Variants in GOLGA1 observed in about 807,000 individuals in gnomAD.
GOLGA1 encodes the protein golgin A1, also known as golgin subfamily A member 1.
GOLGA1 carries 63 observed loss-of-function variants against 119.7 expected under a neutral mutation model. The observed-to-expected ratio is 0.53, with a 90% confidence interval of 0.43 to 0.65. The LOEUF (loss-of-function observed/expected upper bound fraction) is 0.65, where lower values mean the gene tolerates loss of function less well. Ranked by LOEUF, GOLGA1 falls within the 30% of genes least tolerant of loss-of-function variation. The pLI is 0.00. For synonymous variants in GOLGA1, 318 were observed against 333.4 expected, an observed-to-expected ratio of 0.95 and a Z score of 0.50; for missense variants, 798 against 912.8, an observed-to-expected ratio of 0.87 and a Z score of 1.62.
At chr9:124,930,971 G>A (rs1254136400) in intron 4 of GOLGA1, among the ~76,000 whole-genome samples, 3 of 152,182 alleles carry the variant, frequency 2.0e-5, no homozygotes, top group South Asian at 2.1e-4. Flanking sequence ...ATATCTGTTG[G>A]CCATTCCCTT....
chr9:124,906,422 C>T (rs1830233652), intron 12 of GOLGA1, among the ~76,000 whole-genome samples: 1 of 142,870 alleles, frequency 7.0e-6, no homozygotes, highest in Admixed American at 7.1e-5. Context: ...CAGAGTGAGA[C>T]TCTATCTCAA....
chr9:124,896,002 CAG>C (rs1398104131), intron 15 of GOLGA1, among the ~76,000 whole-genome samples: 1 of 152,242 alleles, frequency 6.6e-6, no homozygotes, highest in Non-Finnish European at 1.5e-5. Context: ...ACCTCTACAA[CAG>C]AGAACCATCC....
intron 15 of GOLGA1, among the ~76,000 whole-genome samples, chr9:124,895,663 T>C (rs1588065635): frequency 3.3e-5 from 4 of 122,384 alleles, no homozygotes; most frequent in African/African-American, 3.3e-5. Context: ...CAGAGAACCA[T>C]CCACAACAGA....
At chr9:124,925,117 C>T (rs1830649350) in intron 7 of GOLGA1, among the ~76,000 whole-genome samples, 1 of 151,828 alleles carries the variant, frequency 6.6e-6, no homozygotes, top group Non-Finnish European at 1.5e-5. Context: ...ACCTCTCCTT[C>T]AAAAGAACAA....
chr9:124,922,725 T>C (rs1443412049), intron 8 of GOLGA1, among the ~76,000 whole-genome samples: 3 of 151,772 alleles, frequency 2.0e-5, no homozygotes, highest in Non-Finnish European at 4.4e-5. Context: ...TGATCGCACC[T>C]GTGAGTAGCC....
chr9:124,903,371 A>G (rs1830149413), intron 12 of GOLGA1, among the ~76,000 whole-genome samples: 1 of 152,148 alleles, frequency 6.6e-6, no homozygotes, highest in Non-Finnish European at 1.5e-5. Context: ...CCAGCTACTC[A>G]GAAGGCTTAG....
chr9:124,929,368 T>C (rs550296480), intron 4 of GOLGA1, 78 bp from the exon 5 acceptor site: 188 of 865,292 alleles, frequency 2.2e-4, no homozygotes, highest in Non-Finnish European at 3.6e-4. Flanking sequence ...AAAAAATGAA[T>C]GGAAATGATG....
At chr9:124,924,697 C>T (rs1209496308) in intron 7 of GOLGA1, among the ~76,000 whole-genome samples, 1 of 143,938 alleles carries the variant, frequency 6.9e-6, no homozygotes. Flanking sequence ...CCTTCTGTTA[C>T]AGTTTCTAAC....
rs115571084 is a variant in GOLGA1, at chr9:124,930,181, T to C, written c.227-891A>G. On this transcript the variant is annotated intron_variant, in intron 4 of 22. Coordinates refer to ENST00000373555, the MANE Select transcript of GOLGA1 (RefSeq NM_002077.4). ...AAATGTCAGTGCTCTTCCCTGTCCC[T>C]TCTCTAACGTAAGTCAAGCTCAACT... Among the ~76,000 whole-genome samples the C allele has an allele frequency of 7.4e-3, 1,125 of 152,318 alleles. 14 individuals are homozygous for C. The highest frequency in any genetic ancestry group is 0.034 in the Middle Eastern group (10 of 294).
chr9:124,903,914 T>G (rs1055311109), intron 12 of GOLGA1, among the ~76,000 whole-genome samples: 1 of 151,848 alleles, frequency 6.6e-6, no homozygotes, highest in Non-Finnish European at 1.5e-5. Flanking sequence ...CCAGGCGTGG[T>G]GGAGCGTGCC....
chr9:124,895,419 A>G (rs1040271683), intron 15 of GOLGA1, among the ~76,000 whole-genome samples: 1 of 145,500 alleles, frequency 6.9e-6, no homozygotes, highest in African/African-American at 2.6e-5. Context: ...GAGACGCTCC[A>G]CAACAGAGAA....
chr9:124,892,981 G>A (rs1044773137), intron 15 of GOLGA1, among the ~76,000 whole-genome samples: 2 of 151,470 alleles, frequency 1.3e-5, no homozygotes, highest in African/African-American at 4.9e-5. Context: ...ACATATAAGA[G>A]TTTTCTATAT....
At chr9:124,886,985 A>T (rs1284464288) in intron 19 of GOLGA1, among the ~76,000 whole-genome samples, 1 of 152,188 alleles carries the variant, frequency 6.6e-6, no homozygotes, top group African/African-American at 2.4e-5. Flanking sequence ...GGCACTCTCC[A>T]GCCAGGTCTG....
intron 16 of GOLGA1, among the ~76,000 whole-genome samples, 160 bp from the exon 17 acceptor site, chr9:124,889,696 C>T (rs1477765481): frequency 2.0e-5 from 3 of 152,128 alleles, no homozygotes; most frequent in Admixed American, 6.5e-5. Context: ...TATGAACATG[C>T]ACAAATCTAT....
At chr9:124,925,439 AG>A (rs1242920764) in intron 7 of GOLGA1, among the ~76,000 whole-genome samples, 1 of 151,054 alleles carries the variant, frequency 6.6e-6, no homozygotes, top group African/African-American at 2.4e-5. Context: ...AACTGTTGCC[AG>A]GCACAGTGGC....
At chr9:124,912,307 C>A (rs887902466) in intron 10 of GOLGA1, among the ~76,000 whole-genome samples, 3 of 152,206 alleles carry the variant, frequency 2.0e-5, no homozygotes, top group African/African-American at 7.2e-5. Flanking sequence ...GTGGTAGAGG[C>A]AGCAGAACTA....
At chr9:124,882,639 A>G in intron 19 of GOLGA1, 70 bp from the exon 20 acceptor site, 1 of 1,258,054 alleles carries the variant, frequency 7.9e-7, no homozygotes, top group Non-Finnish European at 1.1e-6. Context: ...ACAGACCCGA[A>G]GATCCCACGG....
chr9:124,882,658 G>A (rs773324132), intron 19 of GOLGA1, 89 bp from the exon 20 acceptor site: 3 of 1,025,100 alleles, frequency 2.9e-6, no homozygotes, highest in Non-Finnish European at 3.0e-6. Flanking sequence ...GGGATCCCCT[G>A]TACACCTGTG....
chr9:124,889,218 C>G lies in GOLGA1; in HGVS notation c.1686G>C (p.Val562=). The G allele has an allele frequency of 6.2e-7, 1 of 1,613,482 alleles. No homozygotes were observed. The highest frequency in any genetic ancestry group is 8.5e-7 in the Non-Finnish European group (1 of 1,179,962). Residue 562 remains valine, a synonymous_variant, in exon 18 of 23, where the codon GTG becomes GTC. Coordinates refer to ENST00000373555, the MANE Select transcript of GOLGA1 (RefSeq NM_002077.4). ...TCAGCAGGTCCTCCTGCTCCGCGACCACTGCAGCCTCCTCCGCCTTGAGGG... is the reference window on the plus strand; with the variant it reads ...TCAGCAGGTCCTCCTGCTCCGCGACGACTGCAGCCTCCTCCGCCTTGAGGG... ...LRTLKAEEAA[V]VAEQEDLLRL...
Sources: allele counts gnomAD v4.1 joint callset (sites outside exome capture counted in the v4.1 genomes callset), GRCh38; gene constraint gnomAD v4.1.1; transcripts MANE v1.5; gene names NCBI Gene and HGNC (gene_info 2026-07-23, HGNC 2026-07-21).